The following OVCH1 variants were observed in gnomAD, a reference collection of about 807,000 sequenced individuals.
The protein encoded by OVCH1 is ovochymase 1, also known as ovochymase-1.
OVCH1 carries 139 observed loss-of-function variants against 138.4 expected under a neutral mutation model. The observed-to-expected ratio is 1.00, with a 90% CI of 0.87 to 1.16. The LOEUF is 1.16. Ranked by LOEUF, OVCH1 falls within the 50% of genes most tolerant of loss-of-function variation. The pLI is 0.00. For synonymous variants in OVCH1, 453 were observed against 467.8 expected, an observed-to-expected ratio of 0.97 and a Z score of 0.41; for missense variants, 1,367 against 1,357.9, an observed-to-expected ratio of 1.01 and a Z score of -0.11.
rs1034973289 is a variant in OVCH1, at chr12:29,412,909, G to A, written c.*72-184C>T. 1.2e-4 allele frequency among the ~76,000 whole-genome samples: 19 copies of A among 152,270 alleles called. 1 individual carries two copies. Among genetic ancestry groups the A allele is most frequent in the Admixed American group, 1.1e-3 (17 of 15,294 alleles). On this transcript the variant is annotated intron_variant and NMD_transcript_variant, in intron 3 of 4. Transcript: ENST00000539117. The stretch of plus-strand genomic sequence containing the variant: ...GTCATCCAGACTAGAGTGCAGTAGT[G>A]CAGTAGTAGCTCACTGTAGACTCTA...
chr12:29,406,368 A>G, the OVCH1 span, among the ~76,000 whole-genome samples: 120,144 of 151,892 alleles, frequency 0.79, 47,767 homozygotes, highest in Middle Eastern at 0.88. Flanking sequence ...GTGCAGGTTA[A>G]TTACATACGT....
At chr12:29,410,261 C>G (rs543539412), downstream of OVCH1, among the ~76,000 whole-genome samples, 2 of 145,014 alleles carry the variant, frequency 1.4e-5, no homozygotes, top group South Asian at 2.3e-4. Flanking sequence ...GACTCTTTAT[C>G]CAATTTGCCA....
In OVCH1 at chr12:29,490,283, A is replaced by G. The variant is rs565864248; in HGVS notation, c.551-512T>C. Among the ~76,000 whole-genome samples, 11 of 151,830 alleles carry G rather than the reference A, an allele frequency of 7.2e-5. No homozygotes were observed. In the South Asian group the frequency reaches 1.0e-3, roughly 14 times the overall value. ...ATTTTTGTGGAGACAAGGTCTTCCT[A>G]TGTTATCCAGGCTGGTCTGGAACTG... On this transcript the variant is annotated intron_variant, in intron 5 of 27. Transcript: ENST00000318184.
intron 5 of OVCH1, among the ~76,000 whole-genome samples, chr12:29,490,556 C>G (rs1222403212): frequency 6.6e-6 from 1 of 152,108 alleles, no homozygotes; most frequent in Non-Finnish European, 1.5e-5. Flanking sequence ...ACAGAGTTAA[C>G]TTTTTTGTAG....
intron 27 of OVCH1, among the ~76,000 whole-genome samples, chr12:29,430,038 A>G (rs762471834): frequency 3.9e-5 from 6 of 152,266 alleles, no homozygotes; most frequent in Middle Eastern, 3.4e-3. Context: ...CTACATTTCA[A>G]TTTATTTTTG....
At chr12:29,426,950 A>T (rs887406491), downstream of OVCH1, among the ~76,000 whole-genome samples, 12 of 152,222 alleles carry the variant, frequency 7.9e-5, no homozygotes, top group Non-Finnish European at 1.5e-4. Flanking sequence ...AGCAACATGG[A>T]TTGGACAGTG....
chr12:29,441,036 C>G (rs1037643306), intron 25 of OVCH1, among the ~76,000 whole-genome samples: 3 of 152,150 alleles, frequency 2.0e-5, no homozygotes, highest in Non-Finnish European at 4.4e-5. Context: ...TGTTTCCTCT[C>G]ACAAATGAGG....
chr12:29,464,795 T>C, intron 17 of OVCH1, 93 bp from the exon 18 acceptor site: 1 of 1,095,062 alleles, frequency 9.1e-7, no homozygotes, highest in Non-Finnish European at 1.3e-6. Flanking sequence ...CCTAAATTTC[T>C]GCACTTACAT....
At chr12:29,405,709 T>C in the OVCH1 span, among the ~76,000 whole-genome samples, 1 of 152,220 alleles carries the variant, frequency 6.6e-6, no homozygotes, top group Non-Finnish European at 1.5e-5. Flanking sequence ...AAAAATAATA[T>C]CACTTCATAG....
the OVCH1 span, among the ~76,000 whole-genome samples, chr12:29,406,722 T>C: frequency 2.7e-5 from 4 of 146,274 alleles, no homozygotes; most frequent in East Asian, 2.0e-4. Flanking sequence ...ACATTTGGGT[T>C]GGTTCCAAGT....
intron 6 of OVCH1, among the ~76,000 whole-genome samples, chr12:29,489,204 C>T (rs1943206554): frequency 6.6e-6 from 1 of 152,162 alleles, no homozygotes; most frequent in Non-Finnish European, 1.5e-5. Context: ...TCTTACACAA[C>T]AGTGACTAAA....
chr12:29,496,709 A>G, intron 1 of OVCH1, 35 bp from the exon 2 acceptor site: 1 of 1,445,932 alleles, frequency 6.9e-7, no homozygotes, highest in Non-Finnish European at 9.5e-7. Flanking sequence ...GCACACACAG[A>G]GCCTTATGTA....
At chr12:29,481,769 A>G (rs1942941859) in intron 8 of OVCH1, among the ~76,000 whole-genome samples, 1 of 152,180 alleles carries the variant, frequency 6.6e-6, no homozygotes, top group Admixed American at 6.5e-5. Flanking sequence ...CTACTGTCTA[A>G]AAGCCACCAC....
At chr12:29,455,865 G>A (rs1293146816) in intron 19 of OVCH1, among the ~76,000 whole-genome samples, 2 of 152,034 alleles carry the variant, frequency 1.3e-5, no homozygotes, top group East Asian at 3.9e-4. Flanking sequence ...TCGGGTTAGG[G>A]TCATTGGGTG....
chr12:29,477,545 T>C, exon 10 of OVCH1: 1 of 1,613,906 alleles, frequency 6.2e-7, no homozygotes, highest in East Asian at 2.2e-5. Context: ...ACGTTTGTTT[T>C]GTTTTCCATC....
downstream of OVCH1, among the ~76,000 whole-genome samples, chr12:29,409,531 G>A (rs181560969): frequency 9.8e-3 from 1,498 of 152,124 alleles, 23 homozygotes; most frequent in African/African-American, 0.035. Flanking sequence ...TGGTTTCAGA[G>A]AACATCTTTA....
At position 29,415,919 on chromosome 12, in the gene OVCH1, T is replaced by G. The variant is rs1005455244; in HGVS notation, c.*72-3194A>C. Among the ~76,000 whole-genome samples the G allele has an allele frequency of 4.3e-4, 65 of 151,954 alleles. 2 individuals are homozygous for G. The highest frequency in any genetic ancestry group is 1.5e-3 in the African/African-American group (63 of 41,382). On this transcript the variant is annotated intron_variant and NMD_transcript_variant, in intron 3 of 4. Transcript: ENST00000539117. ...AGCCTACTATGTAGGTACAATAATA[T>G]GTAGTAGTATGTGAAAGGATAGAAA...
the OVCH1 span, among the ~76,000 whole-genome samples, chr12:29,404,805 G>A: frequency 0.027 from 4,117 of 151,950 alleles, 175 homozygotes; most frequent in African/African-American, 0.09. Context: ...GGCGAACCAC[G>A]AGGTCAGAAG....
chr12:29,429,018 G>A (rs1941225085), intron 27 of OVCH1, among the ~76,000 whole-genome samples: 1 of 152,156 alleles, frequency 6.6e-6, no homozygotes, highest in African/African-American at 2.4e-5. Context: ...AAGGCCCTGA[G>A]TTTGACTCCC....
Sources: allele counts gnomAD v4.1 joint callset (sites outside exome capture counted in the v4.1 genomes callset), GRCh38; gene constraint gnomAD v4.1.1; transcripts MANE v1.5; gene names NCBI Gene and HGNC (gene_info 2026-07-23, HGNC 2026-07-21).